Variants in CTSD observed in about 807,000 individuals in gnomAD.
CTSD encodes ceroid-lipofuscinosis, neuronal 10.
A neutral mutation model predicts 43.6 loss-of-function variants in CTSD; 28 were observed. That is an observed-to-expected ratio of 0.64 (90% CI 0.48 to 0.88). The LOEUF (loss-of-function observed/expected upper bound fraction) is 0.88, where lower values mean the gene tolerates loss of function less well. Among genes scored for constraint, CTSD ranks in the 40% least tolerant of loss-of-function variants. CTSD has a pLI of 0.00. For missense variants in CTSD, 485 were observed against 555.2 expected, an observed-to-expected ratio of 0.87 and a Z score of 1.27; for synonymous variants, 270 against 249.8, an observed-to-expected ratio of 1.08 and a Z score of -0.76.
chr11:1,763,526 G>A, intron 1 of CTSD: 1 of 459,512 alleles, frequency 2.2e-6, no homozygotes, highest in Non-Finnish European at 3.9e-6. Flanking sequence ...CGGTCAGTCT[G>A]CAGTCCTCAA....
Position 1,759,668 on chromosome 11 carries a change from G to A in CTSD, c.229-29C>T, listed in dbSNP as rs778616837. ...GCAGGGGACAGGGTCCGTCAGGGAT[G>A]GGAGAGGGGGCCCCATCTCCCCACT... On this transcript the variant is annotated intron_variant, in intron 2 of 8. Coordinates refer to ENST00000236671, the MANE Select transcript of CTSD (RefSeq NM_001909.5). The A allele has an allele frequency of 1.9e-6, 3 of 1,600,116 alleles. No individual in the cohort carries two copies. The African/African-American group carries it at 4.0e-5, about 21-fold the overall frequency.
In CTSD at chr11:1,763,872, CGGGTCGGAGA is replaced by C. The variant is rs905220328; in HGVS notation, c.-23_-14del. The C allele has an allele frequency of 2.6e-6, 4 of 1,521,938 alleles. No individual in the cohort carries two copies. The African/African-American group carries it at 5.7e-5, about 22-fold the overall frequency. 94.3% of individuals were successfully genotyped at this position (1,521,938 alleles called of 1,614,324 possible). ...TGGAGGGCTGCATGGCGGCGGCGGC[CGGGTCGGAGA>C]GGGTCGCCGAGGCCGTGCGCTTATA... On this transcript the variant is annotated 5_prime_UTR_variant, in exon 1 of 9. Transcript: ENST00000236671.
chr11:1,763,849 G>C lies in CTSD; in HGVS notation c.11C>G (p.Ser4Cys). The stretch of plus-strand genomic sequence containing the variant: ...GCAGAGGGCGAGCGGCAGAAGGCTG[G>C]AGGGCTGCATGGCGGCGGCGGCCGG... MQPSSLLPLALCLL... is the reference protein window; with the variant it reads MQPCSLLPLALCLL... Residue 4 changes from serine to cysteine, a missense_variant, in exon 1 of 9, where the codon TCC becomes TGC. Ser to Cys is a moderately radical substitution (Grantham distance 112, BLOSUM62 -1). Coordinates refer to ENST00000236671, the MANE Select transcript of CTSD (RefSeq NM_001909.5). 3 of 1,526,180 alleles carry C rather than the reference G, an allele frequency of 2.0e-6. No homozygotes were observed. Among genetic ancestry groups the C allele is most frequent in the Non-Finnish European group, 2.6e-6 (3 of 1,142,112 alleles). 94.5% of individuals were successfully genotyped at this position (1,526,180 alleles called of 1,614,324 possible). A position where few individuals can be genotyped will look rare whatever the true frequency, so the allele number is the denominator to read the frequency against.
intron 5 of CTSD, 64 bp downstream of exon 5, chr11:1,757,260 G>T: frequency 1.5e-6 from 2 of 1,360,788 alleles, no homozygotes; most frequent in South Asian, 1.2e-5. Context: ...TGCCTAGAAG[G>T]CTCCCCGTCC....
chr11:1,763,299 G>GTGATA (rs1474624007), intron 1 of CTSD, among the ~76,000 whole-genome samples: 43 of 152,162 alleles, frequency 2.8e-4, no homozygotes, highest in Non-Finnish European at 5.9e-4. Context: ...GGGTCTCCCA[G>GTGATA]CCCAGGGCCT....
rs545364302 is a variant in CTSD at position 1,753,666 on chromosome 11, G to A, written c.1076C>T (p.Ser359Leu). The change falls in exon 9 of 9, where the codon TCG (serine) becomes TTG (leucine). Residue 359 changes from serine (S) to leucine (L), a missense_variant. Transcript: ENST00000236671. ...CAGGCAGAGGGTCTTCCCGGCCTGC[G>A]ACACCTGGGACGGCCCTGGTGGTCA... ...LSPEDYTLKVSQAGKTLCLSG... is the reference protein window; with the variant it reads ...LSPEDYTLKVLQAGKTLCLSG... The A allele has an allele frequency of 3.7e-6, 6 of 1,612,612 alleles. No individual in the cohort carries two copies. The African/African-American group carries it at 4.0e-5, about 11-fold the overall frequency.
chr11:1,754,922 G>A lies in CTSD; in HGVS notation c.811C>T (p.Gln271Ter). The A allele has an allele frequency of 6.2e-7, 1 of 1,613,942 alleles. No homozygotes were observed. Among genetic ancestry groups the A allele is most frequent in the Non-Finnish European group, 8.5e-7 (1 of 1,179,896 alleles). Residue 271 changes from glutamine to a stop codon, truncating the protein, a stop_gained, in exon 6 of 9, where the codon CAG (glutamine) becomes TAG (stop). Coordinates refer to ENST00000236671, the MANE Select transcript of CTSD (RefSeq NM_001909.5). LOFTEE classifies it high-confidence loss of function. Reference protein sequence around the residue: ...YLNVTRKAYWQVHLDQVEVAS... With the variant: ...YLNVTRKAYW Reference sequence around the variant, plus strand: ...ACTACTCACTGGTCCAGGTGGACCTGCCAGTAGGCCTTGCGGGTGACATTC... The same window carrying A: ...ACTACTCACTGGTCCAGGTGGACCTACCAGTAGGCCTTGCGGGTGACATTC...
chr11:1,754,119 G>T lies in CTSD; in HGVS notation c.847C>A (p.Leu283Met). Residue 283 changes from leucine to methionine, a missense_variant, in exon 7 of 9, where the codon CTG becomes ATG. Leu to Met is a conservative substitution (Grantham distance 15). Transcript: ENST00000236671. ...TCACAGCCCTCCTTGCACAGGGTCA[G>T]CCCGCTGGCCACCTCCACCCTGCGG... Reference protein sequence around the residue: ...HLDQVEVASGLTLCKEGCEAI... With the variant: ...HLDQVEVASGMTLCKEGCEAI... The T allele has an allele frequency of 6.2e-7, 1 of 1,610,062 alleles. No homozygotes were observed.
At position 1,761,368 on chromosome 11, in the gene CTSD, G is replaced by A. The variant is rs1466648123; in HGVS notation, c.169C>T (p.Gln57Ter). The change falls in exon 2 of 9, where the codon CAG becomes TAG. Residue 57 changes from glutamine to a stop codon, truncating the protein, a stop_gained. Transcript: ENST00000236671. LOFTEE classifies it high-confidence loss of function. ...IAKGPVSKYS[Q>*]AVPAVTEGPI... The stretch of plus-strand genomic sequence containing the variant: ...CCCTCGGTCACGGCTGGCACCGCCT[G>A]GGAGTACTTTGAGACGGGGCCTTTG... 1.2e-6 allele frequency: 2 copies of A among 1,613,806 alleles called. No individual in the cohort carries two copies. The highest frequency in any genetic ancestry group is 1.7e-5 in the Admixed American group (1 of 60,032).
chr11:1,763,584 C>A, intron 1 of CTSD: 1 of 518,164 alleles, frequency 1.9e-6, no homozygotes, highest in Non-Finnish European at 3.4e-6. Context: ...GGCGCCTCTG[C>A]CCCGGGTCCC....
chr11:1,758,210 G>A (rs954524984), intron 4 of CTSD, among the ~76,000 whole-genome samples: 4 of 152,132 alleles, frequency 2.6e-5, no homozygotes, highest in Non-Finnish European at 4.4e-5. Context: ...GCCCAGCAGG[G>A]AACTGTTAGG....
chr11:1,755,204 C>G, intron 5 of CTSD, 176 bp from the exon 6 acceptor site: 1 of 760,272 alleles, frequency 1.3e-6, no homozygotes, highest in Non-Finnish European at 2.2e-6. Context: ...CTCCCTTCTT[C>G]CCGGGGTAGG....
intron 6 of CTSD, among the ~76,000 whole-genome samples, chr11:1,754,533 A>ATGGAGGGATGGAGGGATGGAGGGATGGAG (rs1590904648): frequency 7.9e-4 from 15 of 18,968 alleles, no homozygotes; most frequent in Admixed American, 2.0e-3. Flanking sequence ...GAGGGGATGG[A>ATGGAGGGATGGAGGGATGGAGGGATGGAG]GGGATGGAGG....
intron 6 of CTSD, 117 bp downstream of exon 6, chr11:1,754,789 C>G: frequency 7.9e-7 from 1 of 1,272,210 alleles, no homozygotes; most frequent in Non-Finnish European, 1.0e-6. Flanking sequence ...TCTTTCTTGC[C>G]CAGCTCCCAC....
At chr11:1,759,233 C>G (rs1845845558) in intron 3 of CTSD, 146 bp from the exon 4 acceptor site, 1 of 873,480 alleles carries the variant, frequency 1.1e-6, no homozygotes, top group Non-Finnish European at 1.9e-6. Context: ...CTGAGGCCCA[C>G]CATCATGCCA....
Position 1,753,416 on chromosome 11 carries a change from G to A in CTSD, c.*87C>T, listed in dbSNP as rs1845751775. 2 of 1,494,852 alleles carry A rather than the reference G, an allele frequency of 1.3e-6. No homozygotes were observed. Among genetic ancestry groups the A allele is most frequent in the Non-Finnish European group, 9.3e-7 (1 of 1,074,410 alleles). 92.6% of individuals were successfully genotyped at this position (1,494,852 alleles called of 1,614,324 possible). On this transcript the variant is annotated 3_prime_UTR_variant, in exon 9 of 9. Transcript: ENST00000236671. Reference sequence around the variant, plus strand: ...GGACAGTGGGCGGGCGAGTGTGTGGGTGTGTGTGGGAGGGGCCGCTGGGCC... The same window carrying A: ...GGACAGTGGGCGGGCGAGTGTGTGGATGTGTGTGGGAGGGGCCGCTGGGCC...
intron 4 of CTSD, chr11:1,757,949 C>CCCAT (rs1448317614): frequency 6.1e-6 from 2 of 326,980 alleles, no homozygotes. Context: ...ACCTGCCGAC[C>CCCAT]CCATCCCAAG....
chr11:1,755,101 G>A (rs1845794362), intron 5 of CTSD, 73 bp from the exon 6 acceptor site: 4 of 1,580,182 alleles, frequency 2.5e-6, no homozygotes, highest in East Asian at 2.2e-5. Context: ...GGAGTAAGAG[G>A]GTGAATGTGG....
At chr11:1,756,791 C>G (rs932807117) in intron 5 of CTSD, among the ~76,000 whole-genome samples, 37 of 152,312 alleles carry the variant, frequency 2.4e-4, no homozygotes, top group African/African-American at 8.9e-4. Context: ...AGGAAGGGCC[C>G]CCTATGTTCC....
Sources: allele counts gnomAD v4.1 joint callset (sites outside exome capture counted in the v4.1 genomes callset), GRCh38; gene constraint gnomAD v4.1.1; transcripts MANE v1.5; gene names NCBI Gene and HGNC (gene_info 2026-07-23, HGNC 2026-07-21).